HSPA12A: variants seen among roughly 807,000 people sequenced by gnomAD.
The protein encoded by HSPA12A is heat shock 70 kDa protein 12A.
In HSPA12A, 28 loss-of-function variants were observed where a neutral mutation model predicts 69.2. The ratio of observed to expected loss-of-function variants is 0.40; its 90% CI spans 0.30 to 0.55. The LOEUF (loss-of-function observed/expected upper bound fraction) is 0.55. HSPA12A is among the 20% of genes least tolerant of loss of function. The probability of loss-of-function intolerance (pLI) is 0.38; values close to 1 mark genes in which losing one functional copy is unlikely to be tolerated. For missense variants in HSPA12A, 686 were observed against 900.7 expected (o/e 0.76, Z 3.05); for synonymous variants, 345 against 370.5 (o/e 0.93, Z 0.79).
At chr10:116,808,548 A>G (rs1177364210) in intron 2 of HSPA12A, among the ~76,000 whole-genome samples, 2 of 152,150 alleles carry the variant, frequency 1.3e-5, no homozygotes, top group African/African-American at 2.4e-5. Flanking sequence ...GGAGTCCTGT[A>G]GTTTAGAGAA....
chr10:116,839,286 G>A (rs941930907), intron 1 of HSPA12A, among the ~76,000 whole-genome samples: 1 of 152,186 alleles, frequency 6.6e-6, no homozygotes, highest in Non-Finnish European at 1.5e-5. Flanking sequence ...TTAGGATCAA[G>A]TCAGACATTA....
chr10:116,847,507 A>T (rs1206882966), intron 1 of HSPA12A, among the ~76,000 whole-genome samples: 1 of 152,042 alleles, frequency 6.6e-6, no homozygotes, highest in Non-Finnish European at 1.5e-5. Flanking sequence ...CTTCTTCATA[A>T]TCTCACCTCA....
intron 2 of HSPA12A, among the ~76,000 whole-genome samples, chr10:116,764,491 G>A (rs782133002): frequency 9.2e-5 from 14 of 152,258 alleles, no homozygotes; most frequent in South Asian, 6.2e-4. Flanking sequence ...ACTACATAAA[G>A]AGAGTATTCT....
chr10:116,705,304 G>A, intron 2 of HSPA12A, 26 bp from the exon 3 acceptor site: 1 of 1,613,514 alleles, frequency 6.2e-7, no homozygotes, highest in Non-Finnish European at 8.5e-7. Context: ...GAGGCATGGG[G>A]GGTGTGGAGG....
intron 2 of HSPA12A, among the ~76,000 whole-genome samples, chr10:116,797,615 T>C (rs909569357): frequency 6.6e-6 from 1 of 152,152 alleles, no homozygotes; most frequent in Non-Finnish European, 1.5e-5. Flanking sequence ...AGAAACAAAA[T>C]AAGCTGTTGA....
Position 116,726,590 on chromosome 10 carries a change from T to A in HSPA12A, c.40+15840A>T, listed in dbSNP as rs114770854. On this transcript the variant is annotated intron_variant, in intron 1 of 11. Coordinates refer to ENST00000369209, the MANE Select transcript of HSPA12A (RefSeq NM_025015.3). Reference sequence around the variant, plus strand: ...TAGACCATCCCCAATTTCCCACAGTTCCTTCTGGGGGTGCCTGTCAAACCA... The same window carrying A: ...TAGACCATCCCCAATTTCCCACAGTACCTTCTGGGGGTGCCTGTCAAACCA... Among the ~76,000 whole-genome samples, 574 of 152,148 alleles carry A rather than the reference T, an allele frequency of 3.8e-3. 1 individual carries two copies. The highest frequency in any genetic ancestry group is 0.013 in the African/African-American group (544 of 41,494).
upstream of HSPA12A, chr10:116,849,795 A>G: frequency 7.0e-7 from 1 of 1,438,156 alleles, no homozygotes; most frequent in Non-Finnish European, 9.2e-7. Context: ...GCGCTGCGGC[A>G]ACGCCTTGCG....
At chr10:116,742,383 T>C (rs1554887312) in intron 1 of HSPA12A, 47 bp downstream of exon 1, 2 of 1,422,258 alleles carry the variant, frequency 1.4e-6, no homozygotes, top group Admixed American at 2.6e-5. Context: ...GCCTCCTCCC[T>C]CCCTGCCCCG....
At chr10:116,816,759 G>A (rs1342577692) in intron 2 of HSPA12A, among the ~76,000 whole-genome samples, 2 of 152,164 alleles carry the variant, frequency 1.3e-5, no homozygotes, top group Non-Finnish European at 2.9e-5. Flanking sequence ...AAATACCAGA[G>A]GGTTAAAATT....
intron 2 of HSPA12A, among the ~76,000 whole-genome samples, chr10:116,826,173 C>G (rs1845501728): frequency 6.6e-6 from 1 of 152,136 alleles, no homozygotes; most frequent in African/African-American, 2.4e-5. Flanking sequence ...AGGGAAGCCT[C>G]CCCCGCCTCC....
chr10:116,676,196 A>C (rs913973556), intron 11 of HSPA12A, among the ~76,000 whole-genome samples: 9 of 152,314 alleles, frequency 5.9e-5, no homozygotes, highest in Non-Finnish European at 1.3e-4. Context: ...GCAGCTTTGC[A>C]GTACGAGGAG....
chr10:116,698,798 G>C, intron 4 of HSPA12A, 59 bp from the exon 5 acceptor site: 1 of 1,357,260 alleles, frequency 7.4e-7, no homozygotes, highest in Non-Finnish European at 1.1e-6. Context: ...ATGTCTCCTG[G>C]CTTTGGGGAC....
intron 2 of HSPA12A, among the ~76,000 whole-genome samples, chr10:116,773,559 C>T (rs1844262245): frequency 6.6e-6 from 1 of 152,252 alleles, no homozygotes; most frequent in African/African-American, 2.4e-5. Context: ...CACCTTGGCC[C>T]ATGGCCCCTC....
At chr10:116,741,543 T>G (rs1267594250) in intron 1 of HSPA12A, among the ~76,000 whole-genome samples, 2 of 152,094 alleles carry the variant, frequency 1.3e-5, no homozygotes, top group East Asian at 3.9e-4. Flanking sequence ...CGCCCAACTT[T>G]CCCCACTTGG....
rs148083190 is a variant in HSPA12A, at chr10:116,809,083, C to G, written c.91+25852G>C. ...GGCACATGCTTCCTGGGACACCTGCCGATCTCTAGAGGCAGGGAAGGGGGA... is the reference window on the plus strand; with the variant it reads ...GGCACATGCTTCCTGGGACACCTGCGGATCTCTAGAGGCAGGGAAGGGGGA... On this transcript the variant is annotated intron_variant, in intron 2 of 12. Transcript: ENST00000635765. 4.6e-5 allele frequency among the ~76,000 whole-genome samples: 7 copies of G among 152,282 alleles called. No homozygotes were observed. The East Asian group carries it at 1.2e-3, about 25-fold the overall frequency.
chr10:116,737,546 C>T (rs2133060122), intron 1 of HSPA12A, among the ~76,000 whole-genome samples: 1 of 152,308 alleles, frequency 6.6e-6, no homozygotes, highest in East Asian at 1.9e-4. Flanking sequence ...ACCTTCCAAA[C>T]TGAGATACTT....
chr10:116,815,099 A>ATT (rs34886986), intron 2 of HSPA12A, among the ~76,000 whole-genome samples: 3 of 148,174 alleles, frequency 2.0e-5, no homozygotes, highest in African/African-American at 5.0e-5. Flanking sequence ...ATCCCTACCC[A>ATT]TTTTTTTTTT....
In HSPA12A at chr10:116,671,475, C is replaced by G. The variant is rs1230756729; in HGVS notation, c.*3306G>C. 1 of 152,360 alleles carries G rather than the reference C, an allele frequency of 6.6e-6. No homozygotes were observed. Among genetic ancestry groups the G allele is most frequent in the African/African-American group, 2.4e-5 (1 of 41,448 alleles). 9.4% of individuals were successfully genotyped at this position (152,360 alleles called of 1,614,324 possible). A position where few individuals can be genotyped will look rare whatever the true frequency, so the allele number is the denominator to read the frequency against. On this transcript the variant is annotated 3_prime_UTR_variant, in exon 12 of 12. Coordinates refer to ENST00000369209, the MANE Select transcript of HSPA12A (RefSeq NM_025015.3). ...CTATACATCTCTACAATGTGAAATTCGATCTTTGACTAATAATGCATTCTG... is the reference window on the plus strand; with the variant it reads ...CTATACATCTCTACAATGTGAAATTGGATCTTTGACTAATAATGCATTCTG...
At chr10:116,781,318 T>A (rs1554891781) in intron 2 of HSPA12A, among the ~76,000 whole-genome samples, 1 of 151,912 alleles carries the variant, frequency 6.6e-6, no homozygotes, top group African/African-American at 2.4e-5. Context: ...AAAAATGGAT[T>A]TCCTCTGGAT....
Sources: allele counts gnomAD v4.1 joint callset (sites outside exome capture counted in the v4.1 genomes callset), GRCh38; gene constraint gnomAD v4.1.1; transcripts MANE v1.5; gene names NCBI Gene and HGNC (gene_info 2026-07-23, HGNC 2026-07-21).